Variants in COL24A1 observed in about 807,000 individuals in gnomAD.
The protein encoded by COL24A1 is collagen type XXIV alpha 1 chain, also known as collagen alpha-1(XXIV) chain.
In COL24A1, 224 loss-of-function variants were observed where a neutral mutation model predicts 253.9. The observed-to-expected ratio is 0.88, with a 90% CI of 0.79 to 0.99. The LOEUF is 0.99. Among genes scored for constraint, COL24A1 ranks in the 50% least tolerant of loss-of-function variants. The pLI, the probability that COL24A1 is intolerant of heterozygous loss-of-function variation, is 0.00. For missense variants in COL24A1, 2,131 were observed against 2,068.5 expected, an observed-to-expected ratio of 1.03 and a Z score of -0.59; for synonymous variants, 685 against 673.7, an observed-to-expected ratio of 1.02 and a Z score of -0.26.
At chr1:85,851,063 T>G (rs1677716546) in intron 37 of COL24A1, among the ~76,000 whole-genome samples, 2 of 150,932 alleles carry the variant, frequency 1.3e-5, no homozygotes, top group South Asian at 4.2e-4. Flanking sequence ...ACATTAAACA[T>G]ATACTTATCC....
intron 5 of COL24A1, among the ~76,000 whole-genome samples, chr1:86,107,540 T>TATTC (rs1164199946): frequency 2.7e-5 from 4 of 150,492 alleles, no homozygotes; most frequent in Non-Finnish European, 4.4e-5. Flanking sequence ...TTTATTTATT[T>TATTC]ATTTATTTAT....
chr1:86,071,729 G>C (rs963554240), intron 7 of COL24A1, among the ~76,000 whole-genome samples: 2 of 152,112 alleles, frequency 1.3e-5, no homozygotes, highest in African/African-American at 4.8e-5. Context: ...AAAGCACCCA[G>C]ATAAATAAAG....
At position 86,156,548 on chromosome 1, in the gene COL24A1, G is replaced by C. The variant is rs908956716; in HGVS notation, c.-152C>G. ...CGCAACAAGAAAAAAAGGAGGGGAG[G>C]GGGTGAAGTCGGGAGGAGGTAGGAA... On this transcript the variant is annotated 5_prime_UTR_variant, in exon 1 of 60. Transcript: ENST00000370571. 1.0e-4 allele frequency: 63 copies of C among 609,966 alleles called. No homozygotes were observed. Among genetic ancestry groups the C allele is most frequent in the Non-Finnish European group, 1.4e-4 (54 of 384,508 alleles). 37.8% of individuals were successfully genotyped at this position (609,966 alleles called of 1,614,324 possible).
intron 2 of COL24A1, among the ~76,000 whole-genome samples, chr1:86,141,826 A>G (rs988453692): frequency 1.3e-5 from 2 of 151,506 alleles, no homozygotes; most frequent in African/African-American, 4.9e-5. Context: ...TTAGCCTCCC[A>G]AGTAGGTGGG....
intron 24 of COL24A1, among the ~76,000 whole-genome samples, chr1:85,912,080 C>T (rs2102937429): frequency 6.6e-6 from 1 of 152,188 alleles, no homozygotes; most frequent in Middle Eastern, 3.4e-3. Flanking sequence ...AAGAGAAGAC[C>T]TATTTTAGCA....
At chr1:86,080,648 A>C (rs1010931505) in intron 7 of COL24A1, among the ~76,000 whole-genome samples, 13 of 152,106 alleles carry the variant, frequency 8.5e-5, no homozygotes, top group African/African-American at 3.1e-4. Flanking sequence ...ATCTAATTTT[A>C]TATAGACTTC....
chr1:85,978,189 C>T (rs1046268603), intron 20 of COL24A1, among the ~76,000 whole-genome samples: 1 of 152,038 alleles, frequency 6.6e-6, no homozygotes, highest in Non-Finnish European at 1.5e-5. Flanking sequence ...AGAGCATTCA[C>T]CACTACCAAG....
intron 31 of COL24A1, among the ~76,000 whole-genome samples, chr1:85,893,149 A>G (rs1482640809): frequency 6.6e-6 from 1 of 152,128 alleles, no homozygotes; most frequent in Admixed American, 6.5e-5. Flanking sequence ...AAAGTAAATT[A>G]AGGAACAAGA....
chr1:85,793,215 A>G (rs2101689030), intron 47 of COL24A1, among the ~76,000 whole-genome samples: 1 of 152,294 alleles, frequency 6.6e-6, no homozygotes, highest in East Asian at 1.9e-4. Context: ...AACTCACTAA[A>G]ATAATGTATT....
At position 85,781,220 on chromosome 1, in the gene COL24A1, A is replaced by T. The variant is rs200964631; in HGVS notation, c.4338T>A (p.Thr1446=). ...AAGACTTGTATTATGATAAACTTAC[A>T]GTTCTACCTGTTGGGCCTATTATAC... The part of the protein sequence containing the change: ...REGIIGPTGR[T]GPRGEKGFRG... Residue 1446 remains threonine, a splice_region_variant and synonymous_variant, in exon 52 of 60, where the codon ACT becomes ACA. Coordinates refer to ENST00000370571, the MANE Select transcript of COL24A1 (RefSeq NM_152890.7). The T allele has an allele frequency of 5.7e-6, 9 of 1,592,894 alleles. No individual in the cohort carries two copies. Among genetic ancestry groups the T allele is most frequent in the African/African-American group, 1.4e-5 (1 of 73,832 alleles).
intron 47 of COL24A1, among the ~76,000 whole-genome samples, chr1:85,796,156 T>G (rs567008138): frequency 6.6e-6 from 1 of 152,264 alleles, no homozygotes; most frequent in East Asian, 1.9e-4. Flanking sequence ...ATATTAAAGC[T>G]TATGGAACTG....
intron 2 of COL24A1, among the ~76,000 whole-genome samples, chr1:86,140,580 G>A (rs1002575846): frequency 1.3e-5 from 2 of 152,188 alleles, no homozygotes; most frequent in Non-Finnish European, 2.9e-5. Flanking sequence ...AATTCTTCGA[G>A]ATGAATATTC....
intron 2 of COL24A1, among the ~76,000 whole-genome samples, chr1:86,138,321 G>A (rs1016540271): frequency 1.3e-5 from 2 of 152,070 alleles, no homozygotes; most frequent in African/African-American, 4.8e-5. Context: ...TAGTCTTGGG[G>A]ACCCCTTAAC....
chr1:85,983,819 A>C (rs1693469266), intron 20 of COL24A1, among the ~76,000 whole-genome samples: 1 of 151,858 alleles, frequency 6.6e-6, no homozygotes. Flanking sequence ...GATAGACAAA[A>C]CCAGATCCTT....
chr1:85,874,428 T>C (rs191960969), intron 35 of COL24A1, among the ~76,000 whole-genome samples: 1 of 152,324 alleles, frequency 6.6e-6, no homozygotes, highest in African/African-American at 2.4e-5. Flanking sequence ...ATACCTGATT[T>C]TGAGAAAAGG....
At chr1:85,856,297 T>G (rs921390926) in intron 37 of COL24A1, among the ~76,000 whole-genome samples, 2 of 152,150 alleles carry the variant, frequency 1.3e-5, no homozygotes, top group Non-Finnish European at 2.9e-5. Context: ...TAATTAGATA[T>G]TTTTCTAACT....
chr1:86,036,775 T>A (rs1699065726), intron 12 of COL24A1, among the ~76,000 whole-genome samples: 1 of 152,142 alleles, frequency 6.6e-6, no homozygotes, highest in African/African-American at 2.4e-5. Context: ...CAAAAGACAG[T>A]CTCTATAATT....
At chr1:85,885,397 A>ATATATATATATATTTT (rs60994639) in intron 32 of COL24A1, among the ~76,000 whole-genome samples, 61 of 128,890 alleles carry the variant, frequency 4.7e-4, no homozygotes, top group Non-Finnish European at 7.1e-4. Flanking sequence ...ATATATATAT[A>ATATATATATATATTTT]TTTTTTTTTT....
intron 2 of COL24A1, among the ~76,000 whole-genome samples, chr1:86,135,401 G>C (rs1650063915): frequency 6.6e-6 from 1 of 152,146 alleles, no homozygotes; most frequent in African/African-American, 2.4e-5. Context: ...TATGATGTTA[G>C]CTGGTTATTT....
Sources: allele counts gnomAD v4.1 joint callset (sites outside exome capture counted in the v4.1 genomes callset), GRCh38; gene constraint gnomAD v4.1.1; transcripts MANE v1.5; gene names NCBI Gene and HGNC (gene_info 2026-07-23, HGNC 2026-07-21).